The following NUP210 variants were observed in gnomAD, a reference collection of about 807,000 sequenced individuals.
NUP210 encodes nuclear pore membrane glycoprotein 210.
In NUP210, 151 loss-of-function variants were observed where a neutral mutation model predicts 196.0. The observed-to-expected ratio is 0.77, with a 90% CI of 0.67 to 0.88. The LOEUF (loss-of-function observed/expected upper bound fraction) is 0.88, where lower values mean the gene tolerates loss of function less well. Among genes scored for constraint, NUP210 ranks in the 40% least tolerant of loss-of-function variants. The probability of loss-of-function intolerance (pLI) is 0.00; values close to 1 mark genes in which losing one functional copy is unlikely to be tolerated. For missense variants in NUP210, 2,314 were observed against 2,493.7 expected, an observed-to-expected ratio of 0.93 and a Z score of 1.53; for synonymous variants, 1,070 against 1,052.7, an observed-to-expected ratio of 1.02 and a Z score of -0.32.
At chr3:13,419,823 G>A (rs995725143) in intron 1 of NUP210, among the ~76,000 whole-genome samples, 3 of 151,982 alleles carry the variant, frequency 2.0e-5, no homozygotes, top group African/African-American at 7.2e-5. Context: ...GGTCACGGCC[G>A]CCAGGCTGCG....
intron 1 of NUP210, among the ~76,000 whole-genome samples, chr3:13,404,918 T>C (rs1159706079): frequency 1.3e-5 from 2 of 152,128 alleles, no homozygotes; most frequent in East Asian, 1.9e-4. Context: ...GACATGGTAG[T>C]TGATCAAACC....
At chr3:13,355,125 G>T (rs1698124707) in intron 16 of NUP210, among the ~76,000 whole-genome samples, 1 of 152,212 alleles carries the variant, frequency 6.6e-6, no homozygotes, top group Non-Finnish European at 1.5e-5. Context: ...ACAACTGAGG[G>T]ATTTAAATAT....
intron 1 of NUP210, among the ~76,000 whole-genome samples, chr3:13,400,972 G>A (rs1699816561): frequency 6.6e-6 from 1 of 152,224 alleles, no homozygotes; most frequent in South Asian, 2.1e-4. Context: ...AAGCAATGGT[G>A]CGTGGCCAGG....
chr3:13,344,868 C>A, intron 20 of NUP210: 1 of 948,128 alleles, frequency 1.1e-6, no homozygotes, highest in Non-Finnish European at 1.3e-6. Flanking sequence ...CACCTGCTGG[C>A]TCCAAGTCAT....
chr3:13,372,646 G>T (rs1384230740), intron 12 of NUP210, among the ~76,000 whole-genome samples: 1 of 152,180 alleles, frequency 6.6e-6, no homozygotes, highest in South Asian at 2.1e-4. Flanking sequence ...CCAGGAGAGA[G>T]GTAAGCACAG....
At position 13,379,737 on chromosome 3, in the gene NUP210, C is replaced by T. The variant is rs775572262; in HGVS notation, c.818-16G>A. On this transcript the variant is annotated splice_polypyrimidine_tract_variant and intron_variant, in intron 6 of 39. Coordinates refer to ENST00000254508, the MANE Select transcript of NUP210 (RefSeq NM_024923.4). The surrounding 1 kb of genome is among the most constrained non-coding windows in gnomAD (Gnocchi z 4.2). Reference sequence around the variant, plus strand: ...ATGGAGAGTTCTGGCCACCAAGAAACAAAAAATAACAGGGAAAGAGAGAGC... The same window carrying T: ...ATGGAGAGTTCTGGCCACCAAGAAATAAAAAATAACAGGGAAAGAGAGAGC... The T allele has an allele frequency of 6.5e-7, 1 of 1,548,292 alleles. No individual in the cohort carries two copies. Among genetic ancestry groups the T allele is most frequent in the South Asian group, 1.2e-5 (1 of 82,688 alleles).
chr3:13,415,875 C>T (rs1010215673), intron 1 of NUP210, among the ~76,000 whole-genome samples: 78 of 152,170 alleles, frequency 5.1e-4, no homozygotes, highest in Admixed American at 3.9e-4. Flanking sequence ...TGCCCAACTT[C>T]ACCCACGAAG....
intron 35 of NUP210, 133 bp from the exon 36 acceptor site, chr3:13,321,968 G>A: frequency 7.6e-7 from 1 of 1,321,954 alleles, no homozygotes; most frequent in South Asian, 1.4e-5. Flanking sequence ...CCTCCTCCAG[G>A]AGTCCTCCTG....
At position 13,360,425 on chromosome 3, in the gene NUP210, C is replaced by G; in HGVS notation, c.1999G>C (p.Gly667Arg). The G allele has an allele frequency of 6.2e-7, 1 of 1,613,992 alleles. No individual in the cohort carries two copies. The change falls in exon 15 of 40, where the codon GGT becomes CGT. Residue 667 changes from glycine to arginine, a missense_variant. Gly to Arg is a moderately radical substitution (Grantham distance 125). Coordinates refer to ENST00000254508, the MANE Select transcript of NUP210 (RefSeq NM_024923.4). The stretch of plus-strand genomic sequence containing the variant: ...GGCTCGAGGATCCAAGGTCTGGGAC[C>G]TCCTTCAAACAGCATCTCCTTTGAG... ...GSSKEMLFEG[G>R]PRPWILEPSK...
intron 36 of NUP210, among the ~76,000 whole-genome samples, chr3:13,321,041 G>T (rs1480876330): frequency 6.6e-6 from 1 of 152,246 alleles, no homozygotes; most frequent in African/African-American, 2.4e-5. Context: ...CAGAACATGC[G>T]ATCACGCTGG....
intron 1 of NUP210, among the ~76,000 whole-genome samples, chr3:13,404,445 TG>T (rs1246114647): frequency 2.0e-5 from 3 of 152,264 alleles, no homozygotes; most frequent in Non-Finnish European, 4.4e-5. Flanking sequence ...CTAATTCTGA[TG>T]GTAGGAATAT....
chr3:13,332,164 C>A, intron 29 of NUP210, 129 bp downstream of exon 29: 1 of 713,028 alleles, frequency 1.4e-6, no homozygotes, highest in Non-Finnish European at 2.5e-6. Flanking sequence ...AGAGGCCTCA[C>A]CCATTCCAAG....
At chr3:13,384,276 A>AT (rs1699202842) in intron 6 of NUP210, among the ~76,000 whole-genome samples, 1 of 152,202 alleles carries the variant, frequency 6.6e-6, no homozygotes, top group Admixed American at 6.5e-5. Context: ...TGTTGTTATA[A>AT]TTAGCTTTTT....
intron 34 of NUP210, 109 bp from the exon 35 acceptor site, chr3:13,322,448 A>G: frequency 2.4e-6 from 3 of 1,245,888 alleles, no homozygotes; most frequent in South Asian, 2.7e-5. Context: ...CTGCCCCTGC[A>G]TGTCTTCCAG....
chr3:13,380,751 T>C (rs1031814588), intron 6 of NUP210, among the ~76,000 whole-genome samples: 3 of 152,192 alleles, frequency 2.0e-5, no homozygotes, highest in African/African-American at 2.4e-5. Flanking sequence ...GGGTGCCAGG[T>C]CAGGACTCCC....
rs945124805 is a variant in NUP210 at position 13,366,518 on chromosome 3, T to TTC, written c.1787-428_1787-427insGA. ...TTGATCCTTGATCTGATTTCTTTCTTTTTTTTTTTTTTTTTTTGAGATAGA... is the reference window on the plus strand; with the variant it reads ...TTGATCCTTGATCTGATTTCTTTCTTTCTTTTTTTTTTTTTTTTTGAGATAGA... On this transcript the variant is annotated intron_variant, in intron 13 of 39. Transcript: ENST00000254508. 1.9e-4 allele frequency among the ~76,000 whole-genome samples: 6 copies of TTC among 31,912 alleles called. No individual in the cohort carries two copies. The East Asian group carries it at 1.9e-3, about 10-fold the overall frequency. The allele number at this position is 31,912 out of a possible 152,430, so 20.9% of individuals were successfully genotyped here.
chr3:13,375,943 C>T (rs1698889354), intron 10 of NUP210, among the ~76,000 whole-genome samples: 1 of 152,218 alleles, frequency 6.6e-6, no homozygotes, highest in South Asian at 2.1e-4. Flanking sequence ...GCAGCCCGCC[C>T]AGCCCCCAGA....
rs1225309838 is a variant in NUP210 at position 13,335,627 on chromosome 3, A to G, written c.3685-15T>C. ...CGGATCGACGCCTGGGAAGACATCAAACACGTTTTCAGGGGTAAGGCCCAG... is the reference window on the plus strand; with the variant it reads ...CGGATCGACGCCTGGGAAGACATCAGACACGTTTTCAGGGGTAAGGCCCAG... On this transcript the variant is annotated splice_polypyrimidine_tract_variant and intron_variant, in intron 27 of 39. Transcript: ENST00000254508. The G allele has an allele frequency of 6.2e-7, 1 of 1,612,966 alleles. No individual in the cohort carries two copies. Among genetic ancestry groups the G allele is most frequent in the Admixed American group, 1.7e-5 (1 of 59,984 alleles).
intron 1 of NUP210, among the ~76,000 whole-genome samples, chr3:13,404,147 G>A (rs1286270586): frequency 6.6e-6 from 1 of 152,216 alleles, no homozygotes; most frequent in Non-Finnish European, 1.5e-5. Flanking sequence ...CTTTGGGCAT[G>A]TCTTTAAGGG....
Sources: gnomAD v4.1 joint callset for allele counts (sites outside exome capture counted in the v4.1 genomes callset) on GRCh38, gnomAD v4.1.1 for gene constraint, Gnocchi (gnomAD v3.1) non-coding constraint, MANE v1.5 for transcripts, NCBI Gene and HGNC (gene_info 2026-07-23, HGNC 2026-07-21) for gene names.